The following PRKAA2 variants were observed in gnomAD, a reference collection of about 807,000 sequenced individuals.
The protein encoded by PRKAA2 is 5'-AMP-activated protein kinase catalytic subunit alpha-2.
In PRKAA2, 40 loss-of-function variants were observed where a neutral mutation model predicts 56.3. That is an observed-to-expected ratio of 0.71 (90% confidence interval 0.55 to 0.92). The LOEUF is 0.92. PRKAA2 is among the 40% of genes least tolerant of loss of function. The pLI is 0.00. For synonymous variants in PRKAA2, 214 were observed against 234.2 expected, an observed-to-expected ratio of 0.91 and a Z score of 0.79; for missense variants, 542 against 686.9, an observed-to-expected ratio of 0.79 and a Z score of 2.36.
At chr1:56,705,664 T>A (rs1644326701) in intron 7 of PRKAA2, among the ~76,000 whole-genome samples, 1 of 152,116 alleles carries the variant, frequency 6.6e-6, no homozygotes, top group Admixed American at 6.5e-5. Context: ...CCTCCCAAAG[T>A]GTTGGAATTA....
intron 4 of PRKAA2, among the ~76,000 whole-genome samples, chr1:56,693,562 G>A (rs890095718): frequency 2.0e-5 from 3 of 151,954 alleles, no homozygotes; most frequent in Non-Finnish European, 4.4e-5. Flanking sequence ...ACTCATATAT[G>A]TGATGTGCTT....
At chr1:56,705,186 G>T (rs1644323326) in intron 7 of PRKAA2, among the ~76,000 whole-genome samples, 1 of 151,948 alleles carries the variant, frequency 6.6e-6, no homozygotes, top group African/African-American at 2.4e-5. Context: ...CATTTGACGT[G>T]TTCAAATAAA....
chr1:56,705,023 T>C lies in PRKAA2; in HGVS notation c.1293+548T>C, dbSNP rs182481661. Among the ~76,000 whole-genome samples, 20 of 152,298 alleles carry C rather than the reference T, an allele frequency of 1.3e-4. No homozygotes were observed. In the East Asian group the frequency reaches 3.1e-3, roughly 24 times the overall value. ...GCCCACAGTTTGCTTTTCTTAAAAA[T>C]TAGTGCTCAATTTCATTTGAGTTCT... On this transcript the variant is annotated intron_variant, in intron 7 of 8. Coordinates refer to ENST00000371244, the MANE Select transcript of PRKAA2 (RefSeq NM_006252.4).
chr1:56,705,976 A>G (rs1644329068), intron 7 of PRKAA2, 116 bp from the exon 8 acceptor site: 3 of 888,426 alleles, frequency 3.4e-6, no homozygotes, highest in Non-Finnish European at 5.0e-6. Context: ...AGTAATATAA[A>G]AAAATTATTC....
At chr1:56,647,842 C>T (rs778920120) in intron 1 of PRKAA2, among the ~76,000 whole-genome samples, 9 of 151,444 alleles carry the variant, frequency 5.9e-5, no homozygotes, top group Non-Finnish European at 7.4e-5. Flanking sequence ...CCAGCCTGGC[C>T]AACATGGCGA....
chr1:56,652,448 T>C (rs1206802769), intron 1 of PRKAA2, among the ~76,000 whole-genome samples: 2 of 152,308 alleles, frequency 1.3e-5, no homozygotes, highest in African/African-American at 4.8e-5. Flanking sequence ...AAAGGTAATC[T>C]TGACTAGTGA....
At chr1:56,701,671 T>C (rs1023222383) in intron 6 of PRKAA2, among the ~76,000 whole-genome samples, 5 of 151,748 alleles carry the variant, frequency 3.3e-5, no homozygotes, top group African/African-American at 4.8e-5. Flanking sequence ...CCGAGGCGGG[T>C]GGATCACGAG....
intron 1 of PRKAA2, among the ~76,000 whole-genome samples, chr1:56,660,567 A>C (rs1001081153): frequency 6.6e-6 from 1 of 152,048 alleles, no homozygotes; most frequent in Non-Finnish European, 1.5e-5. Flanking sequence ...CTTCACTGTG[A>C]CCTCATTTCT....
intron 1 of PRKAA2, among the ~76,000 whole-genome samples, chr1:56,666,075 C>T (rs575796270): frequency 1.3e-5 from 2 of 152,254 alleles, no homozygotes; most frequent in African/African-American, 2.4e-5. Flanking sequence ...GATTAGCACA[C>T]CAAACTTACA....
intron 1 of PRKAA2, among the ~76,000 whole-genome samples, chr1:56,652,290 C>T (rs1166468425): frequency 2.6e-5 from 4 of 152,004 alleles, no homozygotes; most frequent in African/African-American, 7.2e-5. Flanking sequence ...GGAGTAAAGG[C>T]GTGAGCTATT....
At chr1:56,655,089 A>G (rs1025299466) in intron 1 of PRKAA2, among the ~76,000 whole-genome samples, 5 of 151,054 alleles carry the variant, frequency 3.3e-5, no homozygotes, top group African/African-American at 1.2e-4. Flanking sequence ...TTATAAATGA[A>G]TTATAAGGTA....
At position 56,707,535 on chromosome 1, in the gene PRKAA2, G is replaced by T. The variant is rs746641545; in HGVS notation, c.1481G>T (p.Gly494Val). Residue 494 changes from glycine to valine, a missense_variant, in exon 9 of 9, where the codon GGC (glycine) becomes GTC (valine). By Grantham distance (109) the Gly-to-Val change is moderately radical (BLOSUM62 -3). This residue lies in a region of PRKAA2 where 158 missense variants were observed against 166.1 expected (regional missense o/e 0.95). Coordinates refer to ENST00000371244, the MANE Select transcript of PRKAA2 (RefSeq NM_006252.4). Reference sequence around the variant, plus strand: ...CCTCAGCGTTCCTGTTCTGCTGCTGGCTTACACAGACCAAGATCAAGTTTT... The same window carrying T: ...CCTCAGCGTTCCTGTTCTGCTGCTGTCTTACACAGACCAAGATCAAGTTTT... ...STPQRSCSAA[G>V]LHRPRSSFDS... 1 of 1,614,126 alleles carries T rather than the reference G, an allele frequency of 6.2e-7. No homozygotes were observed. Among genetic ancestry groups the T allele is most frequent in the Non-Finnish European group, 8.5e-7 (1 of 1,180,016 alleles).
At chr1:56,661,185 C>A (rs1643990823) in intron 1 of PRKAA2, among the ~76,000 whole-genome samples, 1 of 152,106 alleles carries the variant, frequency 6.6e-6, no homozygotes, top group African/African-American at 2.4e-5. Context: ...ATATAGTGTC[C>A]TCCAAATGTT....
chr1:56,674,445 C>T lies in PRKAA2; in HGVS notation c.159C>T (p.Arg53=). The change falls in exon 2 of 9, where the codon CGC becomes CGT. Residue 53 remains arginine, a synonymous_variant. Transcript: ENST00000371244. ...AAATCTTAAATAGACAGAAGATTCG[C>T]AGTTTAGATGTTGTTGGAAAAATAA... ...AVKILNRQKI[R]SLDVVGKIKR... The T allele has an allele frequency of 3.8e-6, 6 of 1,579,078 alleles. No individual in the cohort carries two copies. The highest frequency in any genetic ancestry group is 5.2e-6 in the Non-Finnish European group (6 of 1,161,768).
At chr1:56,657,608 A>G (rs768473064) in intron 1 of PRKAA2, among the ~76,000 whole-genome samples, 9 of 152,074 alleles carry the variant, frequency 5.9e-5, no homozygotes, top group Non-Finnish European at 1.3e-4. Context: ...CCGGGGAGGC[A>G]GAGGTTGCAG....
chr1:56,677,055 T>C (rs963472453), intron 2 of PRKAA2, among the ~76,000 whole-genome samples: 45 of 152,364 alleles, frequency 3.0e-4, no homozygotes, highest in African/African-American at 9.6e-4. Context: ...TAGAGGTTTT[T>C]AAAGATTGTC....
Position 56,709,428 on chromosome 1 carries a change from G to A in PRKAA2, c.*1715G>A, listed in dbSNP as rs532772351. ...AGTTCACCAATTTGGGAAGGAGGGCGGGTTGCAATTTGAGATAGTTTAAGG... is the reference window on the plus strand; with the variant it reads ...AGTTCACCAATTTGGGAAGGAGGGCAGGTTGCAATTTGAGATAGTTTAAGG... On this transcript the variant is annotated 3_prime_UTR_variant, in exon 9 of 9. Transcript: ENST00000371244. 6 of 152,186 alleles carry A rather than the reference G, an allele frequency of 3.9e-5. No homozygotes were observed. The South Asian group carries it at 6.2e-4, about 16-fold the overall frequency. 9.4% of individuals were successfully genotyped at this position (152,186 alleles called of 1,614,324 possible).
At chr1:56,652,519 G>C (rs963724568) in intron 1 of PRKAA2, among the ~76,000 whole-genome samples, 1 of 152,150 alleles carries the variant, frequency 6.6e-6, no homozygotes. Flanking sequence ...TGATGTTCTA[G>C]AAGAAAACAT....
chr1:56,692,160 T>C (rs1644232554), intron 3 of PRKAA2, among the ~76,000 whole-genome samples, 198 bp from the exon 4 acceptor site: 1 of 151,608 alleles, frequency 6.6e-6, no homozygotes, highest in Non-Finnish European at 1.5e-5. Context: ...CTCTCCTGAG[T>C]AGCTGGAACT....
Sources: gnomAD v4.1 joint callset for allele counts (sites outside exome capture counted in the v4.1 genomes callset) on GRCh38, gnomAD v4.1.1 for gene constraint, gnomAD v4.1.1 regional missense constraint, MANE v1.5 for transcripts, NCBI Gene and HGNC (gene_info 2026-07-23, HGNC 2026-07-21) for gene names.